CHCHD3: variants seen among roughly 807,000 people sequenced by gnomAD.
CHCHD3 encodes the protein coiled-coil-helix-coiled-coil-helix domain containing 3.
A neutral mutation model predicts 38.2 loss-of-function variants in CHCHD3; 20 were observed. That is an observed-to-expected ratio of 0.52 (90% CI 0.37 to 0.76). The LOEUF is 0.76. CHCHD3 is among the 30% of genes least tolerant of loss of function. The pLI is 0.00. For synonymous variants in CHCHD3, 82 were observed against 100.0 expected (o/e 0.82, Z 1.07); for missense variants, 245 against 279.2 (o/e 0.88, Z 0.87).
intron 2 of CHCHD3, among the ~76,000 whole-genome samples, chr7:133,028,860 G>A (rs1381661537): frequency 6.6e-6 from 1 of 151,106 alleles, no homozygotes; most frequent in African/African-American, 2.4e-5. Context: ...ACTCCGGCCT[G>A]GGCGACAGAG....
At chr7:132,975,599 T>C (rs1004435211) in intron 3 of CHCHD3, among the ~76,000 whole-genome samples, 1 of 152,162 alleles carries the variant, frequency 6.6e-6, no homozygotes, top group African/African-American at 2.4e-5. Context: ...CCATCCCTGG[T>C]GCTTCCATTT....
chr7:132,872,524 C>T (rs1808790669), intron 5 of CHCHD3, among the ~76,000 whole-genome samples: 1 of 152,226 alleles, frequency 6.6e-6, no homozygotes, highest in Admixed American at 6.5e-5. Flanking sequence ...AGGAATAAGA[C>T]CCAGTTCACA....
chr7:132,809,254 G>A (rs977842124), intron 6 of CHCHD3, among the ~76,000 whole-genome samples: 2 of 151,772 alleles, frequency 1.3e-5, no homozygotes, highest in African/African-American at 2.4e-5. Context: ...CCACAGCACC[G>A]GCTAATTCTT....
intron 3 of CHCHD3, among the ~76,000 whole-genome samples, chr7:132,999,832 ACACT>A (rs1361650226): frequency 9.9e-5 from 15 of 152,162 alleles, no homozygotes; most frequent in South Asian, 2.1e-4. Context: ...ATTGTCAGTG[ACACT>A]CAATGATCTA....
intron 3 of CHCHD3, among the ~76,000 whole-genome samples, chr7:133,001,024 G>A (rs1418653314): frequency 6.6e-6 from 1 of 152,138 alleles, no homozygotes. Flanking sequence ...ATAACATACA[G>A]CTGTGTGACT....
chr7:133,061,531 C>T (rs1439302623), intron 2 of CHCHD3, among the ~76,000 whole-genome samples: 2 of 151,280 alleles, frequency 1.3e-5, no homozygotes, highest in Non-Finnish European at 2.9e-5. Flanking sequence ...AGGAGGAAAG[C>T]AGCTGCACTC....
chr7:132,812,784 C>T (rs1161513827), intron 6 of CHCHD3, among the ~76,000 whole-genome samples: 2 of 152,212 alleles, frequency 1.3e-5, no homozygotes, highest in Non-Finnish European at 2.9e-5. Context: ...TTATGACCTA[C>T]TAGGTCCTAC....
chr7:133,022,341 AAAGGC>A (rs1439212314), intron 3 of CHCHD3: 7 of 456,044 alleles, frequency 1.5e-5, no homozygotes, highest in African/African-American at 1.4e-4. Context: ...GTAACAGTAC[AAAGGC>A]AAGAGGAGCT....
At chr7:133,037,295 T>C (rs1446398515) in intron 2 of CHCHD3, among the ~76,000 whole-genome samples, 1 of 152,180 alleles carries the variant, frequency 6.6e-6, no homozygotes, top group African/African-American at 2.4e-5. Flanking sequence ...GGGAGAACAA[T>C]ATACATTTTA....
intron 4 of CHCHD3, among the ~76,000 whole-genome samples, chr7:132,934,585 A>C (rs1420539238): frequency 6.6e-6 from 1 of 152,230 alleles, no homozygotes; most frequent in Non-Finnish European, 1.5e-5. Flanking sequence ...CCAAGAGAGC[A>C]GCGGCCTGTG....
At chr7:132,791,626 A>G (rs1272794603) in intron 7 of CHCHD3, among the ~76,000 whole-genome samples, 3 of 152,366 alleles carry the variant, frequency 2.0e-5, no homozygotes, top group Non-Finnish European at 2.9e-5. Context: ...ACTTAGGAGC[A>G]GAATCCTGGT....
chr7:132,817,430 GA>G (rs1807228352), intron 6 of CHCHD3, among the ~76,000 whole-genome samples: 1 of 152,018 alleles, frequency 6.6e-6, no homozygotes, highest in Non-Finnish European at 1.5e-5. Context: ...AAAAAAAAAT[GA>G]GGCAAAGTGA....
At chr7:133,038,197 C>T (rs1813733369) in intron 2 of CHCHD3, among the ~76,000 whole-genome samples, 2 of 152,096 alleles carry the variant, frequency 1.3e-5, no homozygotes, top group Non-Finnish European at 2.9e-5. Context: ...GGTATCCTGC[C>T]CATATACCAT....
rs529591590 is a variant in CHCHD3 at position 132,792,626 on chromosome 7, C to T, written c.660+3816G>A. Among the ~76,000 whole-genome samples, 8 of 152,298 alleles carry T rather than the reference C, an allele frequency of 5.3e-5. No homozygotes were observed. The South Asian group carries it at 1.7e-3, about 32-fold the overall frequency. Reference sequence around the variant, plus strand: ...GGCCATGTCTCTTCATCTGAGTGCGCCTATGAACAGGCATGCTTATGCACA... The same window carrying T: ...GGCCATGTCTCTTCATCTGAGTGCGTCTATGAACAGGCATGCTTATGCACA... On this transcript the variant is annotated intron_variant, in intron 7 of 7. Coordinates refer to ENST00000262570, the MANE Select transcript of CHCHD3 (RefSeq NM_017812.4).
intron 4 of CHCHD3, among the ~76,000 whole-genome samples, chr7:132,934,262 C>G (rs746528515): frequency 6.6e-6 from 1 of 152,204 alleles, no homozygotes; most frequent in Non-Finnish European, 1.5e-5. Flanking sequence ...TGCTACTGCT[C>G]TACACACCGC....
chr7:132,987,254 G>A (rs1383522302), intron 3 of CHCHD3, among the ~76,000 whole-genome samples: 1 of 152,134 alleles, frequency 6.6e-6, no homozygotes, highest in Non-Finnish European at 1.5e-5. Context: ...CCCGGACAGA[G>A]AGAACATCAT....
chr7:133,016,296 C>T (rs1813028658), intron 3 of CHCHD3, among the ~76,000 whole-genome samples: 1 of 152,140 alleles, frequency 6.6e-6, no homozygotes, highest in South Asian at 2.1e-4. Context: ...TAAGAGATGA[C>T]CCCTGTGTTT....
At chr7:132,950,278 C>T (rs752282456) in intron 4 of CHCHD3, among the ~76,000 whole-genome samples, 18 of 152,060 alleles carry the variant, frequency 1.2e-4, no homozygotes, top group Non-Finnish European at 2.4e-4. Flanking sequence ...AATATACCCA[C>T]ATAACAAACA....
chr7:132,967,897 A>T (rs977269962), intron 4 of CHCHD3, among the ~76,000 whole-genome samples: 3 of 151,780 alleles, frequency 2.0e-5, no homozygotes, highest in Non-Finnish European at 4.4e-5. Context: ...GACAATGTAC[A>T]TTTCAGAAAT....
Sources: gnomAD v4.1 joint callset for allele counts (sites outside exome capture counted in the v4.1 genomes callset) on GRCh38, gnomAD v4.1.1 for gene constraint, MANE v1.5 for transcripts, NCBI Gene and HGNC (gene_info 2026-07-23, HGNC 2026-07-21) for gene names.